MGAT4C: variants seen among roughly 807,000 people sequenced by gnomAD.
MGAT4C encodes MGAT4 family member C.
Under a neutral mutation model 40.1 loss-of-function variants are expected in MGAT4C, and 19 were observed. That is an observed-to-expected ratio of 0.47 (90% CI 0.33 to 0.70). The LOEUF is 0.70. MGAT4C is among the 30% of genes least tolerant of loss of function. The probability of loss-of-function intolerance (pLI) is 0.02; values close to 1 mark genes in which losing one functional copy is unlikely to be tolerated. For synonymous variants in MGAT4C, 181 were observed against 187.1 expected (o/e 0.97, Z 0.27); for missense variants, 491 against 563.2 (o/e 0.87, Z 1.30).
At chr12:86,350,979 C>T (rs1187020100) in intron 3 of MGAT4C, among the ~76,000 whole-genome samples, 2 of 150,784 alleles carry the variant, frequency 1.3e-5, no homozygotes, top group Non-Finnish European at 3.0e-5. Flanking sequence ...ATATATATAT[C>T]TATATATATA....
chr12:86,688,474 T>G (rs1283551702), intron 2 of MGAT4C, among the ~76,000 whole-genome samples: 1 of 152,140 alleles, frequency 6.6e-6, no homozygotes, highest in East Asian at 1.9e-4. Context: ...ATTTTTGCAG[T>G]GGCTGGTACC....
intron 1 of MGAT4C, among the ~76,000 whole-genome samples, chr12:86,128,009 G>A (rs547659667): frequency 1.3e-5 from 2 of 152,068 alleles, no homozygotes; most frequent in African/African-American, 2.4e-5. Flanking sequence ...TAACACAATC[G>A]TTCTTTAGCA....
At chr12:86,167,600 G>A (rs1248749010) in intron 1 of MGAT4C, among the ~76,000 whole-genome samples, 3 of 152,150 alleles carry the variant, frequency 2.0e-5, no homozygotes. Context: ...TCCCATAGCA[G>A]AAGGTTTAAA....
intron 2 of MGAT4C, among the ~76,000 whole-genome samples, chr12:86,716,705 T>A (rs570234388): frequency 1.6e-4 from 24 of 152,230 alleles, no homozygotes; most frequent in Middle Eastern, 6.8e-3. Context: ...GTCCTATTCC[T>A]CTGATAAGTG....
chr12:86,816,153 C>T (rs1272686116), intron 1 of MGAT4C, among the ~76,000 whole-genome samples: 2 of 151,794 alleles, frequency 1.3e-5, no homozygotes, highest in East Asian at 3.9e-4. Context: ...TATGATGAAA[C>T]ATGATATATT....
Position 85,979,288 on chromosome 12 carries a change from G to A in MGAT4C, c.*1C>T. The A allele has an allele frequency of 6.3e-7, 1 of 1,580,472 alleles. No individual in the cohort carries two copies. Among genetic ancestry groups the A allele is most frequent in the South Asian group, 1.2e-5 (1 of 85,542 alleles). On this transcript the variant is annotated 3_prime_UTR_variant, in exon 5 of 5. Transcript: ENST00000611864. ...GAAACTGAACATACTGATTTAATTGGCTAAGAAGTCCAAATGCTAATACTC... is the reference window on the plus strand; with the variant it reads ...GAAACTGAACATACTGATTTAATTGACTAAGAAGTCCAAATGCTAATACTC...
chr12:86,713,049 T>C (rs1248049904), intron 2 of MGAT4C, among the ~76,000 whole-genome samples: 1 of 152,098 alleles, frequency 6.6e-6, no homozygotes, highest in African/African-American at 2.4e-5. Context: ...GTTTTGATTC[T>C]ATTTAATCGT....
chr12:86,822,740 G>A (rs556879332), intron 1 of MGAT4C, among the ~76,000 whole-genome samples: 159 of 150,926 alleles, frequency 1.1e-3, no homozygotes, highest in African/African-American at 3.7e-3. Context: ...ATTCAATACC[G>A]CACACTCAGG....
chr12:86,078,758 C>T (rs558088500), intron 1 of MGAT4C, among the ~76,000 whole-genome samples: 55 of 152,204 alleles, frequency 3.6e-4, no homozygotes, highest in Non-Finnish European at 7.2e-4. Context: ...GCCCATCGGG[C>T]GATGACAGGG....
intron 1 of MGAT4C, among the ~76,000 whole-genome samples, chr12:86,225,033 T>C (rs977560764): frequency 2.6e-5 from 4 of 151,698 alleles, no homozygotes. Context: ...ATTGATAAAT[T>C]ACTAGCTAGA....
chr12:85,984,599 A>G (rs1885007962), intron 3 of MGAT4C, among the ~76,000 whole-genome samples: 1 of 152,074 alleles, frequency 6.6e-6, no homozygotes, highest in Non-Finnish European at 1.5e-5. Context: ...TCTAATCATC[A>G]TTTGATCAAG....
chr12:86,580,632 T>C (rs1216318107), intron 2 of MGAT4C, among the ~76,000 whole-genome samples: 3 of 151,624 alleles, frequency 2.0e-5, no homozygotes, highest in South Asian at 2.1e-4. Context: ...TTATTTACTA[T>C]GTGATGGGTG....
intron 4 of MGAT4C, among the ~76,000 whole-genome samples, chr12:86,264,990 C>A (rs566886744): frequency 1.6e-4 from 24 of 152,328 alleles, no homozygotes; most frequent in African/African-American, 5.8e-4. Flanking sequence ...CTCCAATCTT[C>A]TGGGCGCTAC....
intron 2 of MGAT4C, among the ~76,000 whole-genome samples, chr12:86,496,158 A>G (rs1958230623): frequency 6.6e-6 from 1 of 151,908 alleles, no homozygotes. Flanking sequence ...CCTCTAGTGG[A>G]TGCATTTGAT....
chr12:86,530,393 T>C (rs1313931858), intron 2 of MGAT4C, among the ~76,000 whole-genome samples: 1 of 151,978 alleles, frequency 6.6e-6, no homozygotes. Flanking sequence ...CCACTTCTTT[T>C]CTAGTAGATG....
intron 2 of MGAT4C, among the ~76,000 whole-genome samples, chr12:86,657,510 AG>A (rs988487398): frequency 1.6e-4 from 24 of 152,082 alleles, no homozygotes; most frequent in African/African-American, 5.5e-4. Context: ...AAGTAAAAGC[AG>A]AAATTAGGTG....
chr12:86,352,938 A>T (rs1366603845), intron 3 of MGAT4C, among the ~76,000 whole-genome samples: 1 of 151,926 alleles, frequency 6.6e-6, no homozygotes, highest in Non-Finnish European at 1.5e-5. Flanking sequence ...TAATGGGTGC[A>T]GCATACCAAC....
At chr12:86,566,848 G>A (rs1250844772) in intron 2 of MGAT4C, among the ~76,000 whole-genome samples, 1 of 150,436 alleles carries the variant, frequency 6.6e-6, no homozygotes, top group Non-Finnish European at 1.5e-5. Context: ...TTTCTTCCAA[G>A]ACTACCATCC....
intron 2 of MGAT4C, among the ~76,000 whole-genome samples, chr12:86,547,596 G>A (rs997003114): frequency 6.6e-6 from 1 of 152,022 alleles, no homozygotes; most frequent in African/African-American, 2.4e-5. Context: ...TCTGTTAGAT[G>A]TTATTTGCTC....
Sources: gnomAD v4.1 joint callset for allele counts (sites outside exome capture counted in the v4.1 genomes callset) on GRCh38, gnomAD v4.1.1 for gene constraint, MANE v1.5 for transcripts, NCBI Gene and HGNC (gene_info 2026-07-23, HGNC 2026-07-21) for gene names.